Variants in BMPER observed in about 807,000 individuals in gnomAD.
BMPER encodes BMP binding endothelial regulator.
BMPER carries 45 observed loss-of-function variants against 87.3 expected under a neutral mutation model. That is an observed-to-expected ratio of 0.52 (90% CI 0.41 to 0.66). BMPER has a LOEUF of 0.66. BMPER is among the 30% of genes least tolerant of loss of function. BMPER has a pLI of 0.00. For missense variants in BMPER, 784 were observed against 867.5 expected (o/e 0.90, Z 1.21); for synonymous variants, 326 against 316.2 (o/e 1.03, Z -0.33).
chr7:33,981,262 G>A (rs941882742), intron 6 of BMPER, among the ~76,000 whole-genome samples: 2 of 152,076 alleles, frequency 1.3e-5, no homozygotes, highest in Non-Finnish European at 2.9e-5. Context: ...TGATCCCAGA[G>A]GTTCATGTGC....
chr7:33,963,715 C>T (rs539282416), intron 3 of BMPER, among the ~76,000 whole-genome samples: 66 of 152,220 alleles, frequency 4.3e-4, no homozygotes, highest in Middle Eastern at 3.4e-3. Flanking sequence ...ATCACTTGAA[C>T]CTGGGAGGCG....
intron 10 of BMPER, among the ~76,000 whole-genome samples, 181 bp downstream of exon 10, chr7:34,058,344 A>G (rs1788340948): frequency 6.6e-6 from 1 of 152,226 alleles, no homozygotes; most frequent in Non-Finnish European, 1.5e-5. Context: ...TCCTTGCATG[A>G]AAATAGCTCT....
intron 13 of BMPER, among the ~76,000 whole-genome samples, chr7:34,098,278 T>C (rs1321195230): frequency 6.6e-6 from 1 of 152,108 alleles, no homozygotes; most frequent in African/African-American, 2.4e-5. Flanking sequence ...AAGCCCAGTA[T>C]TCCTGTGCAG....
intron 13 of BMPER, among the ~76,000 whole-genome samples, chr7:34,092,031 G>T (rs991851231): frequency 3.9e-5 from 6 of 152,136 alleles, no homozygotes; most frequent in African/African-American, 1.4e-4. Context: ...CTCCTAGCCT[G>T]CCTTTCACTG....
At chr7:33,924,042 T>G (rs1784299148) in intron 2 of BMPER, among the ~76,000 whole-genome samples, 1 of 152,142 alleles carries the variant, frequency 6.6e-6, no homozygotes, top group African/African-American at 2.4e-5. Context: ...CACGTGGATG[T>G]TGAGCAGGCA....
intron 11 of BMPER, among the ~76,000 whole-genome samples, chr7:34,077,499 C>A (rs1788895968): frequency 6.6e-6 from 1 of 152,176 alleles, no homozygotes; most frequent in Non-Finnish European, 1.5e-5. Flanking sequence ...TATATTCTTT[C>A]AAGTATTTGT....
intron 11 of BMPER, among the ~76,000 whole-genome samples, chr7:34,070,816 CTT>C (rs60588204): frequency 6.4e-4 from 77 of 119,446 alleles, no homozygotes; most frequent in African/African-American, 1.4e-3. Context: ...AGCGGCAGAG[CTT>C]TTTTTTTTTT....
At chr7:33,935,395 G>A (rs1332051370) in intron 2 of BMPER, among the ~76,000 whole-genome samples, 1 of 152,090 alleles carries the variant, frequency 6.6e-6, no homozygotes, top group East Asian at 1.9e-4. Flanking sequence ...AAATACCCAT[G>A]CCTGGTCCTT....
intron 2 of BMPER, among the ~76,000 whole-genome samples, chr7:33,913,647 T>C (rs528050918): frequency 5.9e-5 from 9 of 152,158 alleles, no homozygotes; most frequent in Non-Finnish European, 1.2e-4. Flanking sequence ...TTGAAAAAAA[T>C]AGAATATTTT....
At chr7:33,908,762 A>G (rs1229098033) in intron 2 of BMPER, among the ~76,000 whole-genome samples, 1 of 152,228 alleles carries the variant, frequency 6.6e-6, no homozygotes, top group Non-Finnish European at 1.5e-5. Context: ...AGCTTCACCC[A>G]TTACAGAGCT....
At chr7:33,951,233 A>G (rs1785013676) in intron 3 of BMPER, among the ~76,000 whole-genome samples, 1 of 151,940 alleles carries the variant, frequency 6.6e-6, no homozygotes, top group African/African-American at 2.4e-5. Flanking sequence ...TTTTTAGTAG[A>G]GATGGGTTTT....
chr7:34,071,873 C>T (rs1788744071), intron 11 of BMPER, among the ~76,000 whole-genome samples: 1 of 152,178 alleles, frequency 6.6e-6, no homozygotes, highest in Admixed American at 6.5e-5. Context: ...CCTAGGACAG[C>T]ATTGATCAGT....
At chr7:33,968,439 A>G (rs1239534146) in intron 4 of BMPER, among the ~76,000 whole-genome samples, 1 of 152,204 alleles carries the variant, frequency 6.6e-6, no homozygotes, top group Non-Finnish European at 1.5e-5. Context: ...GCTTCTCTGC[A>G]GAATGGCACA....
chr7:34,108,879 G>T (rs1233056185), intron 13 of BMPER, among the ~76,000 whole-genome samples: 2 of 152,148 alleles, frequency 1.3e-5, no homozygotes, highest in Non-Finnish European at 2.9e-5. Context: ...AGGCTACCAG[G>T]TGCTTTATTC....
At chr7:33,971,191 C>A (rs1385187523) in intron 5 of BMPER, among the ~76,000 whole-genome samples, 1 of 151,576 alleles carries the variant, frequency 6.6e-6, no homozygotes, top group Non-Finnish European at 1.5e-5. Context: ...TGAGGTTAAT[C>A]TCCAAAGGGC....
intron 13 of BMPER, among the ~76,000 whole-genome samples, chr7:34,142,953 C>T (rs58102448): frequency 0.023 from 3,491 of 152,260 alleles, 120 homozygotes; most frequent in African/African-American, 0.078. Flanking sequence ...TGGAGAGTGG[C>T]TTTGCACAGT....
chr7:34,028,919 C>T (rs952054158), intron 6 of BMPER, among the ~76,000 whole-genome samples: 23 of 151,718 alleles, frequency 1.5e-4, no homozygotes, highest in Admixed American at 7.9e-4. Context: ...TTAGGCTGAA[C>T]GATTCTACAT....
chr7:34,020,957 A>G (rs1787169696), intron 6 of BMPER, among the ~76,000 whole-genome samples: 1 of 151,942 alleles, frequency 6.6e-6, no homozygotes, highest in South Asian at 2.1e-4. Context: ...CTTAAAATAA[A>G]TAAAAGGTTA....
intron 13 of BMPER, among the ~76,000 whole-genome samples, chr7:34,117,631 T>C (rs1790150832): frequency 6.6e-6 from 1 of 152,208 alleles, no homozygotes; most frequent in Non-Finnish European, 1.5e-5. Context: ...TTTACTACTA[T>C]AATTTTTTCA....
Sources: allele counts gnomAD v4.1 joint callset (sites outside exome capture counted in the v4.1 genomes callset), GRCh38; gene constraint gnomAD v4.1.1; transcripts MANE v1.5; gene names NCBI Gene and HGNC (gene_info 2026-07-23, HGNC 2026-07-21).